The following SEC14L5 variants were observed in gnomAD, a reference collection of about 807,000 sequenced individuals.
SEC14L5 encodes SEC14 like lipid binding 5, also known as SEC14-like protein 5.
Under a neutral mutation model 84.6 loss-of-function variants are expected in SEC14L5, and 96 were observed. That is an observed-to-expected ratio of 1.13 (90% confidence interval 0.96 to 1.34). SEC14L5 has a LOEUF of 1.34. Among genes scored for constraint, SEC14L5 ranks in the 40% most tolerant of loss-of-function variants. The pLI is 0.00. For missense variants in SEC14L5, 1,224 were observed against 942.5 expected (o/e 1.30, Z -3.91); for synonymous variants, 546 against 383.4 (o/e 1.42, Z -4.95).
In SEC14L5 at chr16:4,996,334, C is replaced by A. The variant is rs752536767; in HGVS notation, c.668-14C>A. 4 of 1,490,500 alleles carry A rather than the reference C, an allele frequency of 2.7e-6. No homozygotes were observed. The highest frequency in any genetic ancestry group is 2.5e-5 in the East Asian group (1 of 40,662). 92.3% of individuals were successfully genotyped at this position (1,490,500 alleles called of 1,614,324 possible). ...GTCTCCCTCTTGTCCTGAAGCTCCCCCTTCTCCTCCAAGGGGACAAGCTGG... is the reference window on the plus strand; with the variant it reads ...GTCTCCCTCTTGTCCTGAAGCTCCCACTTCTCCTCCAAGGGGACAAGCTGG... On this transcript the variant is annotated splice_polypyrimidine_tract_variant and intron_variant, in intron 6 of 15. Transcript: ENST00000251170.
intron 8 of SEC14L5, 28 bp downstream of exon 8, chr16:4,997,072 A>C: frequency 3.2e-6 from 5 of 1,544,506 alleles, no homozygotes; most frequent in Non-Finnish European, 4.4e-6. Flanking sequence ...CATCATGTAT[A>C]GGGCATACTT....
intron 2 of SEC14L5, among the ~76,000 whole-genome samples, chr16:4,977,228 C>G (rs1377424229): frequency 6.6e-6 from 1 of 152,012 alleles, no homozygotes; most frequent in Non-Finnish European, 1.5e-5. Context: ...AGGCAGATCC[C>G]TTGAGGTCAG....
At chr16:4,967,963 TC>T (rs1274122652) in intron 2 of SEC14L5, among the ~76,000 whole-genome samples, 2 of 55,888 alleles carry the variant, frequency 3.6e-5, no homozygotes, top group East Asian at 6.0e-4. Context: ...CCCTCCCCCT[TC>T]CCCTCCCTTC....
Position 4,991,855 on chromosome 16 carries a change from G to A in SEC14L5, c.492G>A (p.Glu164=), listed in dbSNP as rs367546414. 342 of 1,607,652 alleles carry A rather than the reference G, an allele frequency of 2.1e-4. 2 individuals carry two copies. Among genetic ancestry groups the A allele is most frequent in the Admixed American group, 3.4e-4 (20 of 59,370 alleles). ...GCTTCCAGGGGAAGGAGGTGATTGA[G>A]CATTACCTGAATGAGCTCATCTCCC... ...ANVKRGKEVI[E]HYLNELISQG... The change falls in exon 6 of 16, where the codon GAG becomes GAA. Residue 164 remains glutamate (E), a synonymous_variant. Coordinates refer to ENST00000251170, the MANE Select transcript of SEC14L5 (RefSeq NM_014692.2).
chr16:4,984,181 C>G (rs1955461637), intron 2 of SEC14L5, among the ~76,000 whole-genome samples: 1 of 152,158 alleles, frequency 6.6e-6, no homozygotes, highest in Non-Finnish European at 1.5e-5. Context: ...CTCAACACCC[C>G]CACCATCTCT....
rs777758561 is a variant in SEC14L5 at position 4,992,016 on chromosome 16, C to A, written c.653C>A (p.Ala218Glu). 3.2e-6 allele frequency: 5 copies of A among 1,571,566 alleles called. No homozygotes were observed. The highest frequency in any genetic ancestry group is 3.4e-6 in the Non-Finnish European group (4 of 1,165,616). Reference protein sequence around the residue: ...PRSTLGPALEAVSMDGDKLDA... With the variant: ...PRSTLGPALEEVSMDGDKLDA... ...AGCACCCTGGGGCCCGCTCTGGAGG[C>A]GGTCAGTATGGACGGTAGGTGGTAC... Residue 218 changes from alanine to glutamate, a missense_variant, in exon 6 of 16, where the codon GCG becomes GAG. Transcript: ENST00000251170.
At chr16:4,996,523 T>C in intron 7 of SEC14L5, 63 bp downstream of exon 7, 2 of 831,046 alleles carry the variant, frequency 2.4e-6, no homozygotes, top group Non-Finnish European at 4.0e-6. Context: ...TCAGCCTCCG[T>C]GCATGGGAAG....
chr16:4,970,023 G>T (rs1955256033), intron 2 of SEC14L5, among the ~76,000 whole-genome samples: 1 of 152,088 alleles, frequency 6.6e-6, no homozygotes, highest in Non-Finnish European at 1.5e-5. Context: ...TTACCATGTT[G>T]CCCAGGCTGG....
Position 5,003,544 on chromosome 16 carries a change from C to A in SEC14L5, c.1273C>A (p.Pro425Thr), listed in dbSNP as rs1035180388. 1.9e-6 allele frequency: 3 copies of A among 1,609,488 alleles called. No individual in the cohort carries two copies. Among genetic ancestry groups the A allele is most frequent in the African/African-American group, 1.3e-5 (1 of 74,502 alleles). Reference sequence around the variant, plus strand: ...GGGTCGGCTGCTCATCGTGCGAGCCCCCCGAGTCTTCCCCGTGCTCTGGAC... The same window carrying A: ...GGGTCGGCTGCTCATCGTGCGAGCCACCCGAGTCTTCCCCGTGCTCTGGAC... ...TLGRLLIVRA[P>T]RVFPVLWTLI... Residue 425 changes from proline (P) to threonine (T), a missense_variant, in exon 11 of 16, where the codon CCC becomes ACC. By Grantham distance (38) the Pro-to-Thr change is conservative (BLOSUM62 -1). Coordinates refer to ENST00000251170, the MANE Select transcript of SEC14L5 (RefSeq NM_014692.2).
At chr16:5,014,194 A>G (rs1055759993) in intron 15 of SEC14L5, among the ~76,000 whole-genome samples, 2 of 152,256 alleles carry the variant, frequency 1.3e-5, no homozygotes, top group African/African-American at 4.8e-5. Flanking sequence ...AGTGATGAGC[A>G]GCCCATGTGG....
chr16:4,985,173 T>C (rs950446677), intron 2 of SEC14L5, among the ~76,000 whole-genome samples: 2 of 152,176 alleles, frequency 1.3e-5, no homozygotes, highest in African/African-American at 4.8e-5. Context: ...TGTTTTCTTC[T>C]AAGAGTTTTG....
At position 5,003,543 on chromosome 16, in the gene SEC14L5, C is replaced by G; in HGVS notation, c.1272C>G (p.Ala424=). The G allele has an allele frequency of 6.2e-7, 1 of 1,611,656 alleles. No homozygotes were observed. The highest frequency in any genetic ancestry group is 8.5e-7 in the Non-Finnish European group (1 of 1,179,348). ...ETLGRLLIVR[A]PRVFPVLWTL... ...TGGGTCGGCTGCTCATCGTGCGAGC[C>G]CCCCGAGTCTTCCCCGTGCTCTGGA... The change falls in exon 11 of 16, where the codon GCC becomes GCG. Residue 424 remains alanine, a synonymous_variant. Coordinates refer to ENST00000251170, the MANE Select transcript of SEC14L5 (RefSeq NM_014692.2).
intron 2 of SEC14L5, among the ~76,000 whole-genome samples, chr16:4,962,686 C>CA (rs761644374): frequency 0.051 from 4,168 of 80,950 alleles, 267 homozygotes; most frequent in African/African-American, 0.15. Context: ...AACTCTGTCT[C>CA]AAAAAAAAAA....
At chr16:4,992,593 C>T (rs1955564118) in intron 6 of SEC14L5, among the ~76,000 whole-genome samples, 1 of 152,226 alleles carries the variant, frequency 6.6e-6, no homozygotes, top group African/African-American at 2.4e-5. Context: ...CCTCTGGTGC[C>T]TTGACATTGC....
chr16:5,005,570 A>G (rs1220812728), intron 11 of SEC14L5, among the ~76,000 whole-genome samples: 1 of 151,070 alleles, frequency 6.6e-6, no homozygotes, highest in African/African-American at 2.4e-5. Flanking sequence ...CAATAAAAAA[A>G]TACATCCATG....
At chr16:4,980,878 C>T (rs1955414848) in intron 2 of SEC14L5, among the ~76,000 whole-genome samples, 3 of 152,134 alleles carry the variant, frequency 2.0e-5, no homozygotes, top group South Asian at 2.1e-4. Context: ...TGTCTCATGC[C>T]TCCCATCCCC....
intron 10 of SEC14L5, among the ~76,000 whole-genome samples, chr16:5,002,596 C>T (rs975821322): frequency 1.3e-5 from 2 of 152,134 alleles, no homozygotes; most frequent in Admixed American, 6.5e-5. Flanking sequence ...GCATAATTCA[C>T]CCCAGATGGC....
intron 8 of SEC14L5, among the ~76,000 whole-genome samples, chr16:4,998,217 G>A (rs1370265573): frequency 6.6e-6 from 1 of 151,222 alleles, no homozygotes; most frequent in Non-Finnish European, 1.5e-5. Flanking sequence ...TGTTGGCCAG[G>A]CTGTTCTTGG....
intron 2 of SEC14L5, among the ~76,000 whole-genome samples, chr16:4,961,967 C>T (rs995378615): frequency 6.6e-6 from 1 of 151,536 alleles, no homozygotes; most frequent in South Asian, 2.1e-4. Flanking sequence ...AGGACTGGGC[C>T]CTGTGCGAGG....
Sources: gnomAD v4.1 joint callset for allele counts (sites outside exome capture counted in the v4.1 genomes callset) on GRCh38, gnomAD v4.1.1 for gene constraint, MANE v1.5 for transcripts, NCBI Gene and HGNC (gene_info 2026-07-23, HGNC 2026-07-21) for gene names.